ZNF234: variants seen among roughly 807,000 people sequenced by gnomAD.
ZNF234 encodes zinc finger protein 234, also known as C2-H2 type zinc finger protein.
ZNF234 carries 4 observed loss-of-function variants against 10.3 expected under a neutral mutation model. The ratio of observed to expected loss-of-function variants is 0.39; its 90% CI spans 0.19 to 0.89. ZNF234 has a LOEUF of 0.89. Ranked by LOEUF, ZNF234 falls within the 40% of genes least tolerant of loss-of-function variation. The pLI, the probability that ZNF234 is intolerant of heterozygous loss-of-function variation, is 0.38. For synonymous variants in ZNF234, 258 were observed against 280.1 expected (o/e 0.92, Z 0.79); for missense variants, 711 against 836.1 (o/e 0.85, Z 1.85).
At position 44,159,524 on chromosome 19, in the gene ZNF234, T is replaced by G. The variant is rs527280774; in HGVS notation, c.*1405T>G. Reference sequence around the variant, plus strand: ...TCTGACAGTGCAGACTGAAAAAAATTTAATTAACCTGACAAGAGTTTACTG... The same window carrying G: ...TCTGACAGTGCAGACTGAAAAAAATGTAATTAACCTGACAAGAGTTTACTG... On this transcript the variant is annotated 3_prime_UTR_variant, in exon 6 of 6. Coordinates refer to ENST00000426739, the MANE Select transcript of ZNF234 (RefSeq NM_006630.3). 411 of 383,392 alleles carry G rather than the reference T, an allele frequency of 1.1e-3. 7 individuals are homozygous for G. The highest frequency in any genetic ancestry group is 7.2e-3 in the South Asian group (384 of 53,574). 23.7% of individuals were successfully genotyped at this position (383,392 alleles called of 1,614,324 possible).
At position 44,158,912 on chromosome 19, in the gene ZNF234, T is replaced by G. The variant is rs1440668765; in HGVS notation, c.*793T>G. 1 of 152,268 alleles carries G rather than the reference T, an allele frequency of 6.6e-6. No individual in the cohort carries two copies. Among genetic ancestry groups the G allele is most frequent in the African/African-American group, 2.4e-5 (1 of 41,464 alleles). The allele number at this position is 152,268 out of a possible 1,614,324, so 9.4% of individuals were successfully genotyped here. A position where few individuals can be genotyped will look rare whatever the true frequency, so the allele number is the denominator to read the frequency against. On this transcript the variant is annotated 3_prime_UTR_variant, in exon 6 of 6. Transcript: ENST00000426739. ...CTTGTAGGTGTGCTCAATACTTGTTTGTTAACTGAATCAAAAGGAGTAAAT... is the reference window on the plus strand; with the variant it reads ...CTTGTAGGTGTGCTCAATACTTGTTGGTTAACTGAATCAAAAGGAGTAAAT...
chr19:44,157,636 TA>T lies in ZNF234; in HGVS notation c.1623del (p.Lys541AsnfsTer41). ...QRVHSGEKPF[K>X]CEECGKSFSR... is the part of the protein sequence containing the mutation. ...GAGTTCACAGTGGGGAAAAACCATT[TA>T]AATGTGAAGAGTGTGGGAAGAGCTT... On this transcript the variant is annotated frameshift_variant, in exon 6 of 6. Transcript: ENST00000426739. LOFTEE classifies it low-confidence loss of function (END_TRUNC). 1 of 1,611,584 alleles carries T rather than the reference TA, an allele frequency of 6.2e-7. No individual in the cohort carries two copies. Among genetic ancestry groups the T allele is most frequent in the Non-Finnish European group, 8.5e-7 (1 of 1,179,340 alleles).
chr19:44,155,989 A>G (rs552982747), intron 5 of ZNF234, among the ~76,000 whole-genome samples: 1 of 152,288 alleles, frequency 6.6e-6, no homozygotes, highest in South Asian at 2.1e-4. Flanking sequence ...TATCATGTTA[A>G]TTTTTAAAAT....
intron 3 of ZNF234, among the ~76,000 whole-genome samples, chr19:44,145,843 T>C (rs1362277849): frequency 6.6e-6 from 1 of 152,250 alleles, no homozygotes; most frequent in Non-Finnish European, 1.5e-5. Flanking sequence ...ACTAGTGTCT[T>C]ATTGCCTTTA....
intron 5 of ZNF234, among the ~76,000 whole-genome samples, chr19:44,150,805 G>A (rs757598604): frequency 6.6e-6 from 1 of 152,048 alleles, no homozygotes; most frequent in Non-Finnish European, 1.5e-5. Flanking sequence ...AGCACTTTGG[G>A]GGCCAAAGCA....
chr19:44,147,709 G>A (rs1968634271), intron 3 of ZNF234, among the ~76,000 whole-genome samples: 1 of 152,088 alleles, frequency 6.6e-6, no homozygotes, highest in Admixed American at 6.6e-5. Context: ...AAAATTAGCT[G>A]AGCATGGTGG....
intron 3 of ZNF234, among the ~76,000 whole-genome samples, chr19:44,147,588 C>A (rs898658642): frequency 1.3e-5 from 2 of 152,168 alleles, no homozygotes; most frequent in African/African-American, 4.8e-5. Context: ...TCGGGTGACT[C>A]ATGCCTGTAA....
Position 44,157,447 on chromosome 19 carries a change from C to T in ZNF234, c.1431C>T (p.Ile477=), listed in dbSNP as rs750524617. 1 of 1,613,968 alleles carries T rather than the reference C, an allele frequency of 6.2e-7. No homozygotes were observed. The part of the protein sequence containing the change: ...QSSRLQIHQL[I]HTGEKPYKCE... ...CACGACTTCAGATTCACCAGCTGAT[C>T]CATACCGGTGAGAAACCATACAAAT... is the stretch of plus-strand genomic sequence containing the variant. The change falls in exon 6 of 6, where the codon ATC becomes ATT. Residue 477 remains isoleucine, a synonymous_variant. Coordinates refer to ENST00000426739, the MANE Select transcript of ZNF234 (RefSeq NM_006630.3).
chr19:44,149,362 C>T (rs574660949), intron 4 of ZNF234, among the ~76,000 whole-genome samples: 10 of 151,972 alleles, frequency 6.6e-5, no homozygotes, highest in African/African-American at 1.7e-4. Context: ...GCATGAGAAT[C>T]GCTTGAATCC....
In ZNF234 at chr19:44,146,962, C is replaced by T. The variant is rs541920300; in HGVS notation, c.16-1809C>T. Among the ~76,000 whole-genome samples, 7 of 151,664 alleles carry T rather than the reference C, an allele frequency of 4.6e-5. No homozygotes were observed. The South Asian group carries it at 1.0e-3, about 23-fold the overall frequency. On this transcript the variant is annotated intron_variant, in intron 3 of 5. Coordinates refer to ENST00000426739, the MANE Select transcript of ZNF234 (RefSeq NM_006630.3). ...TCCTGAGTAGCTGGGACTACAGGCA[C>T]GCACCACCATGCCTGGCTAATTTTT...
chr19:44,151,853 T>G (rs926527820), intron 5 of ZNF234, among the ~76,000 whole-genome samples: 3 of 152,234 alleles, frequency 2.0e-5, no homozygotes, highest in Non-Finnish European at 2.9e-5. Context: ...ACTTGGATAA[T>G]GTAGAATTGC....
rs548736122 is a variant in ZNF234 at position 44,159,249 on chromosome 19, C to T, written c.*1130C>T. On this transcript the variant is annotated 3_prime_UTR_variant, in exon 6 of 6. Coordinates refer to ENST00000426739, the MANE Select transcript of ZNF234 (RefSeq NM_006630.3). ...CTGGAGTGCAGTGGCATAATCATGG[C>T]TCACTGCAGCCTCGTCCTCCCAGGC... 5.1e-4 allele frequency: 79 copies of T among 154,412 alleles called. No individual in the cohort carries two copies. The highest frequency in any genetic ancestry group is 1.7e-3 in the African/African-American group (72 of 41,644). The allele number at this position is 154,412 out of a possible 1,614,324, so 9.6% of individuals were successfully genotyped here. A position where few individuals can be genotyped will look rare whatever the true frequency, so the allele number is the denominator to read the frequency against.
rs1231461997 is a variant in ZNF234, at chr19:44,150,404, G to A, written c.143-9G>A. On this transcript the variant is annotated splice_polypyrimidine_tract_variant and intron_variant, in intron 4 of 5. Coordinates refer to ENST00000426739, the MANE Select transcript of ZNF234 (RefSeq NM_006630.3). ...GTTTGTTTTAAATATGTGACTTTGC[G>A]TGTTCTAGGGCATCACCCCTTCAAA... The A allele has an allele frequency of 4.5e-6, 7 of 1,566,890 alleles. No individual in the cohort carries two copies. The highest frequency in any genetic ancestry group is 1.2e-5 in the South Asian group (1 of 84,004).
chr19:44,155,557 G>C (rs1339307685), intron 5 of ZNF234, among the ~76,000 whole-genome samples: 1 of 152,202 alleles, frequency 6.6e-6, no homozygotes, highest in Non-Finnish European at 1.5e-5. Context: ...GGATGGCAGA[G>C]ATGGAAGAAA....
Position 44,156,530 on chromosome 19 carries a change from G to A in ZNF234, c.514G>A (p.Gly172Arg), listed in dbSNP as rs202073314. 1.0e-4 allele frequency: 162 copies of A among 1,614,192 alleles called. No homozygotes were observed. The African/African-American group carries it at 1.4e-3, about 14-fold the overall frequency. ...NFDLHQQLHSGEKSHTCDECG... is the reference protein window; with the variant it reads ...NFDLHQQLHSREKSHTCDECG... ...TGATCTTCATCAACAGTTACACTCAGGAGAGAAGTCTCATACATGTGATGA... is the reference window on the plus strand; with the variant it reads ...TGATCTTCATCAACAGTTACACTCAAGAGAGAAGTCTCATACATGTGATGA... Residue 172 changes from glycine (G) to arginine (R), a missense_variant, in exon 6 of 6, where the codon GGA (glycine) becomes AGA (arginine). Coordinates refer to ENST00000426739, the MANE Select transcript of ZNF234 (RefSeq NM_006630.3).
rs780980403 is a variant in ZNF234 at position 44,159,685 on chromosome 19, A to G, written c.*1566A>G. On this transcript the variant is annotated 3_prime_UTR_variant, in exon 6 of 6. Coordinates refer to ENST00000426739, the MANE Select transcript of ZNF234 (RefSeq NM_006630.3). ...GAATTTATTTGATTTCTGACTTTCC[A>G]CATTTCCATCCAGACTTTGACATGA... 1.1e-5 allele frequency: 5 copies of G among 437,234 alleles called. No individual in the cohort carries two copies. The highest frequency in any genetic ancestry group is 2.4e-5 in the Non-Finnish European group (5 of 208,042). 27.1% of individuals were successfully genotyped at this position (437,234 alleles called of 1,614,324 possible).
intron 4 of ZNF234, chr19:44,149,635 G>A (rs955064651): frequency 1.3e-5 from 2 of 152,130 alleles, no homozygotes; most frequent in East Asian, 3.9e-4. Context: ...CCAGCAGAGA[G>A]GGGGACCCAA....
chr19:44,143,740 A>G (rs1968526335), intron 2 of ZNF234, among the ~76,000 whole-genome samples: 1 of 152,178 alleles, frequency 6.6e-6, no homozygotes, highest in Admixed American at 6.5e-5. Context: ...TGAACCCAGG[A>G]GGAGAAGGTT....
rs561425062 is a variant in ZNF234 at position 44,155,344 on chromosome 19, C to G, written c.236-908C>G. ...TCCAAGTATAACTTTTGACTCCCCT[C>G]TAAAACTTTACTCATGGCCTACTTT... On this transcript the variant is annotated intron_variant, in intron 5 of 5. Coordinates refer to ENST00000426739, the MANE Select transcript of ZNF234 (RefSeq NM_006630.3). Among the ~76,000 whole-genome samples, 9 of 152,330 alleles carry G rather than the reference C, an allele frequency of 5.9e-5. No homozygotes were observed. In the South Asian group the frequency reaches 8.3e-4, roughly 14 times the overall value.
Sources: allele counts gnomAD v4.1 joint callset (sites outside exome capture counted in the v4.1 genomes callset), GRCh38; gene constraint gnomAD v4.1.1; transcripts MANE v1.5; gene names NCBI Gene and HGNC (gene_info 2026-07-23, HGNC 2026-07-21).